KCNC4: variants seen among roughly 807,000 people sequenced by gnomAD.
The protein encoded by KCNC4 is voltage-gated potassium channel KCNC4.
A neutral mutation model predicts 42.8 loss-of-function variants in KCNC4; 23 were observed. That is an observed-to-expected ratio of 0.54 (90% CI 0.39 to 0.76). The LOEUF (loss-of-function observed/expected upper bound fraction) is 0.76, where lower values mean the gene tolerates loss of function less well. Among genes scored for constraint, KCNC4 ranks in the 30% least tolerant of loss-of-function variants. The pLI is 0.00. For missense variants in KCNC4, 751 were observed against 898.2 expected, an observed-to-expected ratio of 0.84 and a Z score of 2.10; for synonymous variants, 422 against 393.5, an observed-to-expected ratio of 1.07 and a Z score of -0.86.
exon 4 of KCNC4, chr1:110,239,083 T>G (rs1201107912): frequency 6.6e-6 from 1 of 152,284 alleles, no homozygotes; most frequent in African/African-American, 2.4e-5. Context: ...AAATGGAAAC[T>G]GGATCAGATC....
rs61784507 is a variant in KCNC4, at chr1:110,254,160, C to T, written n.31-28374C>T. Among the ~76,000 whole-genome samples the T allele has an allele frequency of 6.8e-3, 1,029 of 150,926 alleles. 13 individuals carry two copies. The highest frequency in any genetic ancestry group is 0.031 in the Middle Eastern group (9 of 294). ...CAGGAGGGAACCCCAAGCAGCTCTG[C>T]TGTGGATGTCCCCCATCAGACATAT... On this transcript the variant is annotated intron_variant and non_coding_transcript_variant, in intron 1 of 2. Transcript: ENST00000412512.
intron 1 of KCNC4, among the ~76,000 whole-genome samples, chr1:110,277,973 C>A (rs1326931604): frequency 6.6e-6 from 1 of 152,160 alleles, no homozygotes. Flanking sequence ...ACTGGCGAAA[C>A]CCCATCTCTA....
Position 110,212,022 on chromosome 1 carries a change from G to A in KCNC4, c.523G>A (p.Asp175Asn), listed in dbSNP as rs746592039. ...AGGCGGCAGCGGCGCGGGGCCCAGC[G>A]ACGAGGCCGGCGACGATGAGCGGGA... ...DGGGSGAGPS[D>N]EAGDDERELA... Residue 175 changes from aspartate (D) to asparagine (N), a missense_variant, in exon 1 of 4, where the codon GAC becomes AAC. This residue lies in a region of KCNC4 where 181 missense variants were observed against 167.3 expected (regional missense o/e 1.08). Coordinates refer to ENST00000438661, the MANE Select transcript of KCNC4 (RefSeq NM_001039574.3). 6.3e-7 allele frequency: 1 copy of A among 1,596,392 alleles called. No homozygotes were observed. The highest frequency in any genetic ancestry group is 8.5e-7 in the Non-Finnish European group (1 of 1,172,986).
chr1:110,212,788 G>A (rs1163017052), intron 1 of KCNC4, among the ~76,000 whole-genome samples: 1 of 152,182 alleles, frequency 6.6e-6, no homozygotes, highest in African/African-American at 2.4e-5. Context: ...CATTCTTTCT[G>A]CCAGGGAGGA....
chr1:110,221,270 G>A (rs1658079173), intron 1 of KCNC4: 1 of 152,174 alleles, frequency 6.6e-6, no homozygotes, highest in African/African-American at 2.4e-5. Flanking sequence ...TTCAAATCTG[G>A]TTTTCATCCC....
intron 3 of KCNC4, chr1:110,229,001 A>G (rs1237487618): frequency 6.6e-6 from 1 of 152,226 alleles, no homozygotes; most frequent in African/African-American, 2.4e-5. Context: ...GGGTCCCACC[A>G]GGGCCAGTCT....
In KCNC4 at chr1:110,265,323, C is replaced by T. The variant is rs186933713; in HGVS notation, n.31-17211C>T. Among the ~76,000 whole-genome samples, 44 of 149,906 alleles carry T rather than the reference C, an allele frequency of 2.9e-4. 1 individual carries two copies. Among genetic ancestry groups the T allele is most frequent in the African/African-American group, 1.0e-3 (41 of 40,682 alleles). On this transcript the variant is annotated intron_variant and non_coding_transcript_variant, in intron 1 of 2. Transcript: ENST00000412512. ...GAGTGAACAGTAGAACTCTCAGGCTCCCTGAGTTTCCAGCAGCAGAAATAA... is the reference window on the plus strand; with the variant it reads ...GAGTGAACAGTAGAACTCTCAGGCTTCCTGAGTTTCCAGCAGCAGAAATAA...
intron 3 of KCNC4, among the ~76,000 whole-genome samples, chr1:110,230,665 G>A (rs974411622): frequency 1.3e-5 from 2 of 152,220 alleles, no homozygotes; most frequent in East Asian, 3.9e-4. Context: ...GCATTGCCAG[G>A]CTGGAGCCCT....
At position 110,225,994 on chromosome 1, in the gene KCNC4, T is replaced by C; in HGVS notation, c.1635T>C (p.Asp545=). Residue 545 remains aspartate, a synonymous_variant, in exon 3 of 4, where the codon GAT becomes GAC. Transcript: ENST00000438661. ...RKRADSKQNG[D]ANAVLSDEEG... ...CTTCAGACTCTAAGCAGAATGGCGATGCCAACGCAGTGCTGTCTGATGAGG... is the reference window on the plus strand; with the variant it reads ...CTTCAGACTCTAAGCAGAATGGCGACGCCAACGCAGTGCTGTCTGATGAGG... The C allele has an allele frequency of 6.2e-7, 1 of 1,602,476 alleles. No individual in the cohort carries two copies. Among genetic ancestry groups the C allele is most frequent in the Non-Finnish European group, 8.5e-7 (1 of 1,171,902 alleles).
Position 110,211,285 on chromosome 1 carries a change from C to T in KCNC4, c.-215C>T. ...GCCTCCCTCTCTCCGGAGCTTCCTG[C>T]CCTAACCCCAACCACCTGTGTACCG... On this transcript the variant is annotated 5_prime_UTR_variant, in exon 1 of 4. Coordinates refer to ENST00000438661, the MANE Select transcript of KCNC4 (RefSeq NM_001039574.3). This position sits in a 1 kb window ranked among gnomAD's most constrained non-coding sequence, Gnocchi z 6.5. 1 of 663,774 alleles carries T rather than the reference C, an allele frequency of 1.5e-6. No individual in the cohort carries two copies. Among genetic ancestry groups the T allele is most frequent in the Non-Finnish European group, 2.5e-6 (1 of 401,228 alleles). The allele number at this position is 663,774 out of a possible 1,614,324, so 41.1% of individuals were successfully genotyped here.
At chr1:110,217,850 C>T (rs537641225) in intron 1 of KCNC4, among the ~76,000 whole-genome samples, 1 of 152,250 alleles carries the variant, frequency 6.6e-6, no homozygotes, top group East Asian at 1.9e-4. Context: ...CTCAGAGATG[C>T]TTTGTTTGGC....
Position 110,266,796 on chromosome 1 carries a change from G to C in KCNC4, n.31-15738G>C, listed in dbSNP as rs182683770. 1.2e-4 allele frequency among the ~76,000 whole-genome samples: 19 copies of C among 152,256 alleles called. No individual in the cohort carries two copies. The East Asian group carries it at 3.7e-3, about 29-fold the overall frequency. On this transcript the variant is annotated intron_variant and non_coding_transcript_variant, in intron 1 of 2. Transcript: ENST00000412512. Reference sequence around the variant, plus strand: ...TTGGCATCTGTACCCCAAGGGACCCGAATACCAGGAGAGACCTAAAGTCTG... The same window carrying C: ...TTGGCATCTGTACCCCAAGGGACCCCAATACCAGGAGAGACCTAAAGTCTG...
intron 3 of KCNC4, among the ~76,000 whole-genome samples, chr1:110,226,525 T>C (rs1007384042): frequency 3.9e-5 from 6 of 152,150 alleles, no homozygotes; most frequent in African/African-American, 1.4e-4. Context: ...TTCCACAGGG[T>C]CACTGCCAGC....
At position 110,226,099 on chromosome 1, in the gene KCNC4, A is replaced by C; in HGVS notation, c.1740A>C (p.Arg580=). Residue 580 remains arginine (R), a synonymous_variant, in exon 3 of 4, where the codon CGA becomes CGC. Transcript: ENST00000438661. The stretch of plus-strand genomic sequence containing the variant: ...GGGCCCTGCGACGCTCCACCACTCG[A>C]GACAGAAACAAGAAGGCAGCTGCCT... The part of the protein sequence containing the change: ...ERRALRRSTT[R]DRNKKAAACF... The C allele has an allele frequency of 6.2e-7, 1 of 1,613,990 alleles. No homozygotes were observed. The highest frequency in any genetic ancestry group is 1.1e-5 in the South Asian group (1 of 91,068).
intron 1 of KCNC4, among the ~76,000 whole-genome samples, chr1:110,281,264 G>A (rs1337150839): frequency 6.6e-6 from 1 of 152,066 alleles, no homozygotes; most frequent in African/African-American, 2.4e-5. Context: ...CTTGCCAGCT[G>A]CAGACAGGAT....
At position 110,225,749 on chromosome 1, in the gene KCNC4, G is replaced by A. The variant is rs985384124; in HGVS notation, c.1616-226G>A. ...TGCACTGTGGCTTCATCCCTGAGGAGAGACCCTAAGCTGAGGCTGGGAGGG... is the reference window on the plus strand; with the variant it reads ...TGCACTGTGGCTTCATCCCTGAGGAAAGACCCTAAGCTGAGGCTGGGAGGG... On this transcript the variant is annotated intron_variant, in intron 2 of 3. Transcript: ENST00000438661. 2.0e-5 allele frequency: 11 copies of A among 543,570 alleles called. No homozygotes were observed. The African/African-American group carries it at 2.1e-4, about 10-fold the overall frequency. 33.7% of individuals were successfully genotyped at this position (543,570 alleles called of 1,614,324 possible).
At chr1:110,247,399 G>A (rs1396282241) in exon 4 of KCNC4, 1 of 152,440 alleles carries the variant, frequency 6.6e-6, no homozygotes, top group African/African-American at 2.4e-5. Context: ...TTGTAGAGAT[G>A]GGGTCTTGCC....
rs1206631242 is a variant in KCNC4 at position 110,226,135 on chromosome 1, C to T, written c.1776C>T (p.Leu592=). The change falls in exon 3 of 4, where the codon CTC becomes CTT. Residue 592 remains leucine (L), a synonymous_variant. Transcript: ENST00000438661. The part of the protein sequence containing the change: ...RNKKAAACFL[L]STGDYACADG... ...AGAAGGCAGCTGCCTGCTTCCTGCT[C>T]AGCACTGGGGACTATGCCTGCGCCG... The T allele has an allele frequency of 2.5e-6, 4 of 1,614,060 alleles. No individual in the cohort carries two copies. The highest frequency in any genetic ancestry group is 2.7e-5 in the African/African-American group (2 of 74,936).
intron 1 of KCNC4, among the ~76,000 whole-genome samples, chr1:110,276,964 A>G (rs146573201): frequency 7.6e-4 from 116 of 152,336 alleles, no homozygotes; most frequent in Non-Finnish European, 1.3e-3. Context: ...TACCAATACC[A>G]CCCACACATT....
Sources: gnomAD v4.1 joint callset for allele counts (sites outside exome capture counted in the v4.1 genomes callset) on GRCh38, gnomAD v4.1.1 for gene constraint, gnomAD v4.1.1 regional missense constraint, Gnocchi (gnomAD v3.1) non-coding constraint, MANE v1.5 for transcripts, NCBI Gene and HGNC (gene_info 2026-07-23, HGNC 2026-07-21) for gene names.